The following FAT2 variants were observed in gnomAD, a reference collection of about 807,000 sequenced individuals.
The protein encoded by FAT2 is FAT atypical cadherin 2, also known as protocadherin Fat 2.
In FAT2, 150 loss-of-function variants were observed where a neutral mutation model predicts 295.3. That is an observed-to-expected ratio of 0.51 (90% CI 0.44 to 0.58). The LOEUF (loss-of-function observed/expected upper bound fraction) is 0.58. Among genes scored for constraint, FAT2 ranks in the 20% least tolerant of loss-of-function variants. FAT2 has a pLI of 0.00. For missense variants in FAT2, 4,868 were observed against 5,442.7 expected (o/e 0.89, Z 3.32); for synonymous variants, 2,026 against 2,150.3 (o/e 0.94, Z 1.60).
upstream of FAT2, among the ~76,000 whole-genome samples, chr5:151,592,260 T>G (rs151006043): frequency 3.9e-5 from 6 of 152,204 alleles, no homozygotes; most frequent in South Asian, 2.1e-4. Context: ...CTGCCACGTT[T>G]TTAGTTATAG....
chr5:151,566,966 T>TA lies in FAT2; in HGVS notation c.1965dup (p.Ile656TyrfsTer10). The TA allele has an allele frequency of 6.2e-7, 1 of 1,614,138 alleles. No individual in the cohort carries two copies. Among genetic ancestry groups the TA allele is most frequent in the Non-Finnish European group, 8.5e-7 (1 of 1,180,004 alleles). ...AAATGAGGGTCCTTCACCACAGTAA[T>TA]ATTCAAAGTTGTGGGTGAGGCATAG... On this transcript the variant is annotated frameshift_variant, in exon 2 of 24. Coordinates refer to ENST00000261800, the MANE Select transcript of FAT2 (RefSeq NM_001447.3). LOFTEE classifies it high-confidence loss of function.
rs749365743 is a variant in FAT2 at position 151,542,453 on chromosome 5, C to T, written c.8674G>A (p.Val2892Ile). The change falls in exon 10 of 24, where the codon GTT (valine) becomes ATT (isoleucine). Residue 2892 changes from valine (V) to isoleucine (I), a missense_variant. By Grantham distance (29) the Val-to-Ile change is conservative. Around this residue, in one of 5 missense-constraint regions of FAT2, gnomAD observed 3,297 missense variants for 3,669.4 expected, o/e 0.90. Transcript: ENST00000261800. ...TTCTCATCTGTAATGGAGACCTGAA[C>T]CAGGGCCTGAGAGGATAGCTGGATG... ...QTIQLSSQAL[V>I]QVSITDENDN... 6.2e-7 allele frequency: 1 copy of T among 1,614,184 alleles called. No homozygotes were observed. The highest frequency in any genetic ancestry group is 1.1e-5 in the South Asian group (1 of 91,074).
At chr5:151,511,479 G>A (rs924223019) in intron 21 of FAT2, 2 of 150,938 alleles carry the variant, frequency 1.3e-5, no homozygotes, top group Non-Finnish European at 2.9e-5. Flanking sequence ...TGGGTGTCGG[G>A]TGTGTGTGTG....
chr5:151,525,437 C>T (rs1753884470), intron 18 of FAT2, among the ~76,000 whole-genome samples: 1 of 152,200 alleles, frequency 6.6e-6, no homozygotes, highest in African/African-American at 2.4e-5. Context: ...GTGTTTTGCC[C>T]AGGCACAGAG....
In FAT2 at chr5:151,512,498, C is replaced by T. The variant is rs770828078; in HGVS notation, c.11572G>A (p.Glu3858Lys). Residue 3858 changes from glutamate to lysine, a missense_variant, in exon 21 of 24, where the codon GAG (glutamate) becomes AAG (lysine). This residue lies in a region of FAT2 where 1,046 missense variants were observed against 1,210.1 expected (regional missense o/e 0.86). Transcript: ENST00000261800. This position sits in a 1 kb window ranked among gnomAD's most constrained non-coding sequence, Gnocchi z 4.1. ...NDHEWHSILV[E>K]EMDASIRLMV... ...AGGCGAATGGAAGCGTCCATCTCCTCCACCAGGATGGAGTGCCACTCGTGG... is the reference window on the plus strand; with the variant it reads ...AGGCGAATGGAAGCGTCCATCTCCTTCACCAGGATGGAGTGCCACTCGTGG... The T allele has an allele frequency of 2.5e-6, 4 of 1,614,188 alleles. No individual in the cohort carries two copies. In the East Asian group the frequency reaches 6.7e-5, roughly 27 times the overall value.
At chr5:151,513,768 T>A (rs1263611918) in intron 20 of FAT2, among the ~76,000 whole-genome samples, 1 of 152,240 alleles carries the variant, frequency 6.6e-6, no homozygotes, top group Non-Finnish European at 1.5e-5. Context: ...AAAAAAATTA[T>A]TTAATTAATT....
chr5:151,555,377 T>C (rs1195393762), intron 4 of FAT2, among the ~76,000 whole-genome samples: 1 of 147,438 alleles, frequency 6.8e-6, no homozygotes, highest in African/African-American at 2.5e-5. Flanking sequence ...CTTTTTTTTT[T>C]TTTTTTTTTT....
Position 151,543,127 on chromosome 5 carries a change from C to G in FAT2, c.8000G>C (p.Gly2667Ala), listed in dbSNP as rs199617774. The change falls in exon 10 of 24, where the codon GGC becomes GCC. Residue 2667 changes from glycine to alanine, a missense_variant. Transcript: ENST00000261800. ...CACCAGAGAGTTCCAGTGAGGAGGG[C>G]CTCCATCTTGGGCTTTGATGAAGAA... ...LDFFIKAQDGGPPHWNSLVPV... is the reference protein window; with the variant it reads ...LDFFIKAQDGAPPHWNSLVPV... 285 of 1,614,054 alleles carry G rather than the reference C, an allele frequency of 1.8e-4. No homozygotes were observed. The highest frequency in any genetic ancestry group is 2.3e-4 in the Non-Finnish European group (270 of 1,180,032).
intron 18 of FAT2, among the ~76,000 whole-genome samples, chr5:151,524,903 C>A (rs1285627289): frequency 6.6e-6 from 1 of 152,190 alleles, no homozygotes; most frequent in East Asian, 1.9e-4. Context: ...AATGTGTGTC[C>A]CCCTGTCTTA....
intron 1 of FAT2, among the ~76,000 whole-genome samples, chr5:151,586,867 G>C (rs1759191602): frequency 6.6e-6 from 1 of 152,192 alleles, no homozygotes; most frequent in Admixed American, 6.5e-5. Context: ...CAGGCTGGGC[G>C]CAGTGGCCCA....
chr5:151,551,976 G>GGTGT (rs56267278), intron 6 of FAT2, among the ~76,000 whole-genome samples: 16,996 of 143,512 alleles, frequency 0.12, 979 homozygotes, highest in African/African-American at 0.14. Flanking sequence ...TAACCCTAAG[G>GGTGT]GTGTGTGTGT....
At position 151,563,455 on chromosome 5, in the gene FAT2, C is replaced by A. The variant is rs2127641877; in HGVS notation, c.3444G>T (p.Glu1148Asp). 1 of 1,614,200 alleles carries A rather than the reference C, an allele frequency of 6.2e-7. No individual in the cohort carries two copies. Among genetic ancestry groups the A allele is most frequent in the Non-Finnish European group, 8.5e-7 (1 of 1,180,042 alleles). ...GCACAGAGGTGCCCACGGGAGCATC[C>A]TCCTGGATGGAGGGGTAGAACACAG... The part of the protein sequence containing the change: ...SQAVFYPSIQ[E>D]DAPVGTSVLQ... Residue 1148 changes from glutamate to aspartate, a missense_variant, in exon 3 of 24, where the codon GAG becomes GAT. This residue lies in a region of FAT2 where 3,297 missense variants were observed against 3,669.4 expected (regional missense o/e 0.90). Coordinates refer to ENST00000261800, the MANE Select transcript of FAT2 (RefSeq NM_001447.3).
At chr5:151,525,286 A>T (rs1019221121) in intron 18 of FAT2, among the ~76,000 whole-genome samples, 1 of 152,302 alleles carries the variant, frequency 6.6e-6, no homozygotes, top group Non-Finnish European at 1.5e-5. Flanking sequence ...TGAAACCCAT[A>T]ACACCACCAC....
chr5:151,535,541 G>A (rs1226295357), intron 12 of FAT2, among the ~76,000 whole-genome samples: 3 of 149,858 alleles, frequency 2.0e-5, no homozygotes, highest in Non-Finnish European at 4.5e-5. Flanking sequence ...CTTTCCTCAT[G>A]CCTCGCCCTA....
At chr5:151,527,478 C>T (rs1754140453) in intron 16 of FAT2, 101 bp from the exon 17 acceptor site, 1 of 1,255,888 alleles carries the variant, frequency 8.0e-7, no homozygotes, top group Non-Finnish European at 1.1e-6. Flanking sequence ...AAGAAGGAGA[C>T]ACTTTCCTAT....
Position 151,527,434 on chromosome 5 carries a change from C to T in FAT2, c.10165-57G>A, listed in dbSNP as rs558083829. The T allele has an allele frequency of 1.6e-5, 24 of 1,475,230 alleles. No homozygotes were observed. In the East Asian group the frequency reaches 5.4e-4, roughly 33 times the overall value. The allele number at this position is 1,475,230 out of a possible 1,614,324, so 91.4% of individuals were successfully genotyped here. A position where few individuals can be genotyped will look rare whatever the true frequency, so the allele number is the denominator to read the frequency against. ...TGAGGTAGCTGTCCCTCACTTCTGC[C>T]CCCTGAGTCATCACTAATATTTTCA... On this transcript the variant is annotated intron_variant, in intron 16 of 23. Transcript: ENST00000261800.
rs1754555403 is a variant in FAT2 at position 151,531,213 on chromosome 5, C to T, written c.9811+374G>A. On this transcript the variant is annotated intron_variant, in intron 14 of 23. Coordinates refer to ENST00000261800, the MANE Select transcript of FAT2 (RefSeq NM_001447.3). The surrounding 1 kb of genome is among the most constrained non-coding windows in gnomAD (Gnocchi z 5.7). The stretch of plus-strand genomic sequence containing the variant: ...AAGCAGGCAGCCTTGTCCAGGGTTG[C>T]TTAAGCCCCAGATTCCAGCAAGGGC... 6.6e-6 allele frequency among the ~76,000 whole-genome samples: 1 copy of T among 152,112 alleles called. No individual in the cohort carries two copies. The highest frequency in any genetic ancestry group is 1.5e-5 in the Non-Finnish European group (1 of 67,992).
chr5:151,554,643 G>A lies in FAT2; in HGVS notation c.3664C>T (p.Leu1222=), dbSNP rs1417241370. The change falls in exon 5 of 24, where the codon CTG becomes TTG. Residue 1222 remains leucine (L), a synonymous_variant. Coordinates refer to ENST00000261800, the MANE Select transcript of FAT2 (RefSeq NM_001447.3). ...ACCACCACCCTGGAGGTGGACTTCA[G>A]TGAGGGTTCCCCATTGTCCAGCACA... The part of the protein sequence containing the change: ...VTVLDNGEPS[L]KSTSRVVVGI... 21 of 1,613,842 alleles carry A rather than the reference G, an allele frequency of 1.3e-5. No individual in the cohort carries two copies. The highest frequency in any genetic ancestry group is 1.8e-5 in the Non-Finnish European group (21 of 1,180,018).
chr5:151,529,175 T>C lies in FAT2; in HGVS notation c.10026+3A>G. On this transcript the variant is annotated splice_donor_region_variant and intron_variant, in intron 15 of 23. Coordinates refer to ENST00000261800, the MANE Select transcript of FAT2 (RefSeq NM_001447.3). ...CACAAAGAGCAAGGTGGCAGATCCT[T>C]ACCGTGAGGATGACGTCACCCACAA... 1 of 1,613,700 alleles carries C rather than the reference T, an allele frequency of 6.2e-7. No individual in the cohort carries two copies. The highest frequency in any genetic ancestry group is 8.5e-7 in the Non-Finnish European group (1 of 1,179,730).
Sources: gnomAD v4.1 joint callset for allele counts (sites outside exome capture counted in the v4.1 genomes callset) on GRCh38, gnomAD v4.1.1 for gene constraint, gnomAD v4.1.1 regional missense constraint, Gnocchi (gnomAD v3.1) non-coding constraint, MANE v1.5 for transcripts, NCBI Gene and HGNC (gene_info 2026-07-23, HGNC 2026-07-21) for gene names.